NLGN2: variants seen among roughly 807,000 people sequenced by gnomAD.
NLGN2 encodes neuroligin-2.
Under a neutral mutation model 48.6 loss-of-function variants are expected in NLGN2, and 11 were observed. The ratio of observed to expected loss-of-function variants is 0.23; its 90% CI spans 0.14 to 0.37. NLGN2 has a LOEUF of 0.37. NLGN2 is among the 10% of genes least tolerant of loss of function. The probability of loss-of-function intolerance (pLI) is 1.00; values close to 1 mark genes in which losing one functional copy is unlikely to be tolerated. For synonymous variants in NLGN2, 548 were observed against 550.0 expected (o/e 1.00, Z 0.05); for missense variants, 801 against 1,225.2 (o/e 0.65, Z 5.17).
At chr17:7,414,069 C>T (rs1368810927) in intron 2 of NLGN2, among the ~76,000 whole-genome samples, 3 of 152,258 alleles carry the variant, frequency 2.0e-5, no homozygotes, top group Admixed American at 2.0e-4. Context: ...AGGAGGGCCA[C>T]TGCCCACCCC....
chr17:7,418,032 A>C lies in NLGN2; in HGVS notation c.*233A>C. 1.2e-5 allele frequency: 4 copies of C among 339,240 alleles called. No homozygotes were observed. Among genetic ancestry groups the C allele is most frequent in the East Asian group, 4.5e-5 (1 of 22,422 alleles). The allele number at this position is 339,240 out of a possible 1,614,324, so 21.0% of individuals were successfully genotyped here. On this transcript the variant is annotated 3_prime_UTR_variant, in exon 7 of 7. Transcript: ENST00000302926. ...AACTGGGGGGCGTTTTCTCCCCCCCATTGGGACACCAGTCTTCGGTGTGTG... is the reference window on the plus strand; with the variant it reads ...AACTGGGGGGCGTTTTCTCCCCCCCCTTGGGACACCAGTCTTCGGTGTGTG...
At position 7,408,454 on chromosome 17, in the gene NLGN2, G is replaced by A. The variant is rs1428906607; in HGVS notation, c.199G>A (p.Val67Met). Residue 67 changes from valine to methionine, a missense_variant, in exon 1 of 7, where the codon GTG becomes ATG. Around this residue, in one of 5 missense-constraint regions of NLGN2, gnomAD observed 164 missense variants for 186.2 expected, o/e 0.88. Coordinates refer to ENST00000302926, the MANE Select transcript of NLGN2 (RefSeq NM_020795.4). The surrounding 1 kb of genome is among the most constrained non-coding windows in gnomAD (Gnocchi z 7.5). ...ELNNEILGPV[V>M]QFLGVPYATP... The stretch of plus-strand genomic sequence containing the variant: ...CAACAACGAGATCCTGGGCCCCGTC[G>A]TGCAGTTCTTGGGCGTGCCCTACGC... 6 of 1,564,120 alleles carry A rather than the reference G, an allele frequency of 3.8e-6. No homozygotes were observed. The highest frequency in any genetic ancestry group is 5.2e-6 in the Non-Finnish European group (6 of 1,159,686).
At position 7,408,235 on chromosome 17, in the gene NLGN2, AG is replaced by A. The variant is rs918766240; in HGVS notation, c.-14del. 5.3e-5 allele frequency: 57 copies of A among 1,071,044 alleles called. No homozygotes were observed. Among genetic ancestry groups the A allele is most frequent in the African/African-American group, 1.2e-4 (6 of 51,646 alleles). The allele number at this position is 1,071,044 out of a possible 1,614,324, so 66.3% of individuals were successfully genotyped here. On this transcript the variant is annotated 5_prime_UTR_variant, in exon 1 of 7. Coordinates refer to ENST00000302926, the MANE Select transcript of NLGN2 (RefSeq NM_020795.4). The surrounding 1 kb of genome is among the most constrained non-coding windows in gnomAD (Gnocchi z 7.5). ...CGAGGGGGGGGGGTCCCAGGGAGGG[AG>A]GGGGGGTCCCCCGATCAGCATGTGG...
chr17:7,406,652 GC>G (rs1431588553), upstream of NLGN2, among the ~76,000 whole-genome samples: 39 of 129,176 alleles, frequency 3.0e-4, no homozygotes, highest in African/African-American at 9.8e-4. Flanking sequence ...TGGTGGGGGG[GC>G]GGGGGGGGGG....
chr17:7,412,052 C>CCTTTTTT, intron 1 of NLGN2, 105 bp from the exon 2 acceptor site: 1 of 501,684 alleles, frequency 2.0e-6, no homozygotes, highest in Non-Finnish European at 3.7e-6. Flanking sequence ...CCACCCTCCC[C>CCTTTTTT]TTTTCTGCTT....
In NLGN2 at chr17:7,411,127, C is replaced by A. The variant is rs1241592952; in HGVS notation, c.458-1030C>A. The stretch of plus-strand genomic sequence containing the variant: ...GAAGAAGCCCTGACACTGGGCGAAC[C>A]TGGTGCTCCCGGTACCTGCTGGCAC... On this transcript the variant is annotated intron_variant, in intron 1 of 6. Coordinates refer to ENST00000302926, the MANE Select transcript of NLGN2 (RefSeq NM_020795.4). The surrounding 1 kb of genome is among the most constrained non-coding windows in gnomAD (Gnocchi z 4.5). 1.3e-5 allele frequency among the ~76,000 whole-genome samples: 2 copies of A among 152,260 alleles called. No homozygotes were observed.
chr17:7,406,695 C>T (rs1185733393), upstream of NLGN2, among the ~76,000 whole-genome samples: 13 of 151,778 alleles, frequency 8.6e-5, no homozygotes, highest in Admixed American at 6.6e-4. Context: ...TCTGCCCCTC[C>T]GGTCTGATCT....
Position 7,412,671 on chromosome 17 carries a change from T to C in NLGN2, c.508+464T>C, listed in dbSNP as rs148194684. Among the ~76,000 whole-genome samples the C allele has an allele frequency of 3.5e-4, 53 of 152,190 alleles. No homozygotes were observed. The East Asian group carries it at 9.6e-3, about 28-fold the overall frequency. On this transcript the variant is annotated intron_variant, in intron 2 of 6. Coordinates refer to ENST00000302926, the MANE Select transcript of NLGN2 (RefSeq NM_020795.4). ...GAAACATCAGAAGCCTGTCGCAATT[T>C]CCAAAAGCCTGTCAGACACAGAAAA...
upstream of NLGN2, among the ~76,000 whole-genome samples, chr17:7,406,455 G>C (rs184655419): frequency 6.6e-6 from 1 of 152,090 alleles, no homozygotes; most frequent in African/African-American, 2.4e-5. Flanking sequence ...AATCAGCCCC[G>C]AGCCACCTCC....
At chr17:7,405,798 A>C (rs1459070985), upstream of NLGN2, among the ~76,000 whole-genome samples, 2 of 151,316 alleles carry the variant, frequency 1.3e-5, no homozygotes, top group Non-Finnish European at 2.9e-5. This position sits in a 1 kb window ranked among gnomAD's most constrained non-coding sequence, Gnocchi z 6.8. Context: ...TCCATGAATG[A>C]TCCTTTGAAT....
chr17:7,414,312 C>T (rs751853236), intron 2 of NLGN2, 32 bp from the exon 3 acceptor site: 2 of 1,471,882 alleles, frequency 1.4e-6, no homozygotes, highest in African/African-American at 2.5e-5. Flanking sequence ...TCCCTGACCC[C>T]CTGGCCCACC....
In NLGN2 at chr17:7,408,757, A is replaced by G. The variant is rs897009996; in HGVS notation, c.457+45A>G. The stretch of plus-strand genomic sequence containing the variant: ...GCCGGGCACCCCGTGGACACAGCCC[A>G]CAAACGCACATGCAGACCCTCAGGC... On this transcript the variant is annotated intron_variant, in intron 1 of 6. Transcript: ENST00000302926. The surrounding 1 kb of genome is among the most constrained non-coding windows in gnomAD (Gnocchi z 7.5). 31 of 1,610,932 alleles carry G rather than the reference A, an allele frequency of 1.9e-5. No individual in the cohort carries two copies. The highest frequency in any genetic ancestry group is 2.6e-5 in the Non-Finnish European group (31 of 1,178,882).
chr17:7,414,082 G>C (rs1039514308), intron 2 of NLGN2, among the ~76,000 whole-genome samples: 2 of 151,972 alleles, frequency 1.3e-5, no homozygotes, highest in African/African-American at 4.8e-5. Flanking sequence ...CCCACCCCCA[G>C]CCTCTACGGG....
chr17:7,406,648 G>C (rs1263653435), upstream of NLGN2, among the ~76,000 whole-genome samples: 1 of 135,690 alleles, frequency 7.4e-6, no homozygotes, highest in East Asian at 2.3e-4. Flanking sequence ...CGGCTGGTGG[G>C]GGGGCGGGGG....
At chr17:7,410,852 C>G (rs78557750) in intron 1 of NLGN2, among the ~76,000 whole-genome samples, 1 of 152,212 alleles carries the variant, frequency 6.6e-6, no homozygotes, top group African/African-American at 2.4e-5. Context: ...CATAGACTCA[C>G]GTGCACACGT....
Position 7,412,185 on chromosome 17 carries a change from G to A in NLGN2, c.486G>A (p.Ala162=), listed in dbSNP as rs747652442. 21 of 1,612,552 alleles carry A rather than the reference G, an allele frequency of 1.3e-5. No individual in the cohort carries two copies. The highest frequency in any genetic ancestry group is 3.3e-5 in the Admixed American group (2 of 59,896). Reference sequence around the variant, plus strand: ...CGCTCACAAAAAAACGTGACGAGGCGACGCTCAATCCGCCAGACACAGGTA... The same window carrying A: ...CGCTCACAAAAAAACGTGACGAGGCAACGCTCAATCCGCCAGACACAGGTA... The part of the protein sequence containing the change: ...DGPLTKKRDE[A]TLNPPDTDIR... The change falls in exon 2 of 7, where the codon GCG becomes GCA. Residue 162 remains alanine (A), a synonymous_variant. Coordinates refer to ENST00000302926, the MANE Select transcript of NLGN2 (RefSeq NM_020795.4).
rs1284543463 is a variant in NLGN2 at position 7,411,024 on chromosome 17, T to C, written c.458-1133T>C. Among the ~76,000 whole-genome samples the C allele has an allele frequency of 3.9e-5, 6 of 152,154 alleles. No individual in the cohort carries two copies. The highest frequency in any genetic ancestry group is 2.1e-4 in the South Asian group (1 of 4,830). ...GACCCACGTGCCAGTCCCTGTGCCATTGAGGAAAAACCAATCAGCCTCGGG... is the reference window on the plus strand; with the variant it reads ...GACCCACGTGCCAGTCCCTGTGCCACTGAGGAAAAACCAATCAGCCTCGGG... On this transcript the variant is annotated intron_variant, in intron 1 of 6. Transcript: ENST00000302926. The surrounding 1 kb of genome is among the most constrained non-coding windows in gnomAD (Gnocchi z 4.5).
At chr17:7,415,254 C>A in intron 5 of NLGN2, 106 bp downstream of exon 5, 1 of 1,110,976 alleles carries the variant, frequency 9.0e-7, no homozygotes, top group Non-Finnish European at 1.3e-6. Flanking sequence ...GGGCTTCTGG[C>A]CCCCAGTAAG....
chr17:7,406,980 C>T (rs1032057009), upstream of NLGN2, among the ~76,000 whole-genome samples: 4 of 152,160 alleles, frequency 2.6e-5, no homozygotes, highest in African/African-American at 9.7e-5. Flanking sequence ...AGCCAGAGGC[C>T]TGGTCACTAA....
Sources: allele counts gnomAD v4.1 joint callset (sites outside exome capture counted in the v4.1 genomes callset), GRCh38; gene constraint gnomAD v4.1.1; regional missense constraint gnomAD v4.1.1; non-coding constraint Gnocchi (gnomAD v3.1); transcripts MANE v1.5; gene names NCBI Gene and HGNC (gene_info 2026-07-23, HGNC 2026-07-21).